The following CYP3A5 variants were observed in gnomAD, a reference collection of about 807,000 sequenced individuals.
The protein encoded by CYP3A5 is cytochrome P450 family 3 subfamily A member 5.
In CYP3A5, 51 loss-of-function variants were observed where a neutral mutation model predicts 55.9. That is an observed-to-expected ratio of 0.91 (90% confidence interval 0.73 to 1.15). The LOEUF is 1.15. Among genes scored for constraint, CYP3A5 ranks in the 50% most tolerant of loss-of-function variants. The pLI is 0.00. For synonymous variants in CYP3A5, 196 were observed against 213.9 expected (o/e 0.92, Z 0.73); for missense variants, 533 against 596.6 (o/e 0.89, Z 1.11).
chr7:99,667,362 G>A (rs1378816468), intron 4 of CYP3A5, among the ~76,000 whole-genome samples: 1 of 152,140 alleles, frequency 6.6e-6, no homozygotes, highest in South Asian at 2.1e-4. Flanking sequence ...TCTTCCAGTG[G>A]AATAGACAGG....
chr7:99,659,876 T>C (rs561643947), intron 10 of CYP3A5: 1 of 152,560 alleles, frequency 6.6e-6, no homozygotes, highest in South Asian at 2.1e-4. Flanking sequence ...CTCCGAGCCA[T>C]GCGCGGGATA....
At chr7:99,678,651 T>A (rs1812523519) in intron 1 of CYP3A5, among the ~76,000 whole-genome samples, 1 of 152,194 alleles carries the variant, frequency 6.6e-6, no homozygotes, top group South Asian at 2.1e-4. Context: ...ATGCTGGAAA[T>A]AGTCTATCTC....
At chr7:99,678,093 C>T (rs1331822274) in intron 1 of CYP3A5, among the ~76,000 whole-genome samples, 3 of 152,228 alleles carry the variant, frequency 2.0e-5, no homozygotes, top group Non-Finnish European at 4.4e-5. Flanking sequence ...CTGGTCTACA[C>T]TGCATTTTCT....
intron 11 of CYP3A5, among the ~76,000 whole-genome samples, chr7:99,651,752 G>A (rs1236107945): frequency 6.6e-6 from 1 of 152,208 alleles, no homozygotes; most frequent in African/African-American, 2.4e-5. Context: ...ACTATATCCA[G>A]AGTGCGAACT....
At chr7:99,678,455 G>A (rs781506034) in intron 1 of CYP3A5, among the ~76,000 whole-genome samples, 6 of 152,138 alleles carry the variant, frequency 3.9e-5, no homozygotes, top group Non-Finnish European at 7.3e-5. Flanking sequence ...AGGTATATTC[G>A]AAAAGGAGTT....
In CYP3A5 at chr7:99,660,523, C is replaced by A; in HGVS notation, c.1002G>T (p.Glu334Asp). The A allele has an allele frequency of 6.2e-7, 1 of 1,613,096 alleles. No homozygotes were observed. Among genetic ancestry groups the A allele is most frequent in the Non-Finnish European group, 8.5e-7 (1 of 1,179,570 alleles). ...CCTTATTGGGCAAAACTGCATCAAT[C>A]TCCTTTTGCAGTTTCTGCTGGACAT... Reference protein sequence around the residue: ...HPDVQQKLQKEIDAVLPNKAP... With the variant: ...HPDVQQKLQKDIDAVLPNKAP... Residue 334 changes from glutamate (E) to aspartate (D), a missense_variant, in exon 10 of 13, where the codon GAG (glutamate) becomes GAT (aspartate). Glu to Asp is a conservative substitution (Grantham distance 45, BLOSUM62 2). Transcript: ENST00000222982.
At chr7:99,667,561 G>A (rs1480963734) in intron 4 of CYP3A5, among the ~76,000 whole-genome samples, 2 of 152,134 alleles carry the variant, frequency 1.3e-5, no homozygotes, top group East Asian at 1.9e-4. Context: ...CTAGAAACCT[G>A]TTTTGAAGGA....
Position 99,663,341 on chromosome 7 carries a change from A to C in CYP3A5, c.799-459T>G, listed in dbSNP as rs552622102. 8.0e-6 allele frequency: 8 copies of C among 995,354 alleles called. No homozygotes were observed. In the South Asian group the frequency reaches 3.1e-4, roughly 39 times the overall value. The allele number at this position is 995,354 out of a possible 1,614,324, so 61.7% of individuals were successfully genotyped here. On this transcript the variant is annotated intron_variant, in intron 8 of 12. Coordinates refer to ENST00000222982, the MANE Select transcript of CYP3A5 (RefSeq NM_000777.5). The stretch of plus-strand genomic sequence containing the variant: ...CATTTTCAAATATTCCAACATTCTC[A>C]AACTCTATATAATCTTCAGTGACAG...
At position 99,676,043 on chromosome 7, in the gene CYP3A5, G is replaced by A. The variant is rs549857917; in HGVS notation, c.165+72C>T. On this transcript the variant is annotated intron_variant, in intron 2 of 12. Transcript: ENST00000222982. ...CCTCAGAACTCCCTCCCAAGGAGGGGCATTTTTACTGATGGAACTAAGCTG... is the reference window on the plus strand; with the variant it reads ...CCTCAGAACTCCCTCCCAAGGAGGGACATTTTTACTGATGGAACTAAGCTG... 1.4e-3 allele frequency: 1,809 copies of A among 1,328,360 alleles called. 2 individuals carry two copies. The highest frequency in any genetic ancestry group is 1.9e-3 in the Non-Finnish European group (1,742 of 925,636). 82.3% of individuals were successfully genotyped at this position (1,328,360 alleles called of 1,614,324 possible).
chr7:99,678,725 C>T (rs1289863081), intron 1 of CYP3A5, among the ~76,000 whole-genome samples: 1 of 152,220 alleles, frequency 6.6e-6, no homozygotes, highest in Non-Finnish European at 1.5e-5. Flanking sequence ...AAATGTTAGA[C>T]AATGGAAACC....
intron 1 of CYP3A5, among the ~76,000 whole-genome samples, chr7:99,678,632 A>C (rs1812522518): frequency 6.6e-6 from 1 of 152,260 alleles, no homozygotes; most frequent in Admixed American, 6.5e-5. Context: ...TTTACCATCC[A>C]GAAGGAACAT....
Position 99,667,061 on chromosome 7 carries a change from A to G in CYP3A5, c.323T>C (p.Leu108Ser). Residue 108 changes from leucine to serine, a missense_variant, in exon 5 of 13, where the codon TTA becomes TCA. Coordinates refer to ENST00000222982, the MANE Select transcript of CYP3A5 (RefSeq NM_000777.5). ...CYSVFTNRRS[L>S]GPVGFMKSAI... ...ACTTTTCATAAATCCCACTGGGCCT[A>G]AAGACTAGAGTTCAACAGAAACATT... The G allele has an allele frequency of 6.2e-7, 1 of 1,613,080 alleles. No individual in the cohort carries two copies.
intron 3 of CYP3A5, chr7:99,673,015 T>A: frequency 2.6e-6 from 1 of 389,390 alleles, no homozygotes. Context: ...CCTATGCCAC[T>A]CTCCATAATG....
At chr7:99,665,358 C>T in intron 6 of CYP3A5, 44 bp from the exon 7 acceptor site, 1 of 1,610,684 alleles carries the variant, frequency 6.2e-7, no homozygotes, top group South Asian at 1.1e-5. Flanking sequence ...GCACCTCTTA[C>T]CGTCCTTCCA....
intron 10 of CYP3A5, among the ~76,000 whole-genome samples, chr7:99,654,614 G>C (rs1186925097): frequency 6.6e-6 from 1 of 152,176 alleles, no homozygotes; most frequent in Admixed American, 6.5e-5. Context: ...GGATGGCTGG[G>C]TCAAATGGTA....
chr7:99,675,918 A>G (rs1380893242), intron 2 of CYP3A5, among the ~76,000 whole-genome samples, 197 bp downstream of exon 2: 1 of 150,738 alleles, frequency 6.6e-6, no homozygotes, highest in East Asian at 2.0e-4. Context: ...CTGTTCTCAA[A>G]CTCCTGGGCT....
intron 3 of CYP3A5, chr7:99,672,908 A>G (rs1811814281): frequency 2.2e-6 from 3 of 1,346,608 alleles, no homozygotes; most frequent in Non-Finnish European, 2.9e-6. Context: ...CCAAACAGGG[A>G]AGAGATATTG....
chr7:99,663,105 C>T (rs1388481648), intron 8 of CYP3A5: 1 of 1,251,696 alleles, frequency 8.0e-7, no homozygotes, highest in Non-Finnish European at 1.0e-6. Context: ...TGTCCAATTG[C>T]TTTTTCGCCT....
At chr7:99,661,015 T>C (rs930455281) in intron 9 of CYP3A5, among the ~76,000 whole-genome samples, 9 of 152,170 alleles carry the variant, frequency 5.9e-5, no homozygotes, top group Admixed American at 3.9e-4. Context: ...TGTAAGTAAA[T>C]ATGGGGTAGG....
Sources: gnomAD v4.1 joint callset for allele counts (sites outside exome capture counted in the v4.1 genomes callset) on GRCh38, gnomAD v4.1.1 for gene constraint, MANE v1.5 for transcripts, NCBI Gene and HGNC (gene_info 2026-07-23, HGNC 2026-07-21) for gene names.